SNX27: variants seen among roughly 807,000 people sequenced by gnomAD.
SNX27 encodes the protein sorting nexin 27.
Under a neutral mutation model 71.6 loss-of-function variants are expected in SNX27, and 22 were observed. That is an observed-to-expected ratio of 0.31 (90% CI 0.22 to 0.44). The LOEUF (loss-of-function observed/expected upper bound fraction) is 0.44, where lower values mean the gene tolerates loss of function less well. Ranked by LOEUF, SNX27 falls within the 20% of genes least tolerant of loss-of-function variation. The pLI is 1.00. For synonymous variants in SNX27, 269 were observed against 277.2 expected (o/e 0.97, Z 0.29); for missense variants, 531 against 698.6 (o/e 0.76, Z 2.70).
intron 7 of SNX27, among the ~76,000 whole-genome samples, chr1:151,670,826 T>G (rs1670425672): frequency 6.6e-6 from 1 of 152,184 alleles, no homozygotes; most frequent in Admixed American, 6.5e-5. Context: ...TGGTTGACTG[T>G]GCTTGTGGGG....
intron 2 of SNX27, among the ~76,000 whole-genome samples, chr1:151,644,732 C>T (rs1668957685): frequency 6.6e-6 from 1 of 152,044 alleles, no homozygotes; most frequent in Admixed American, 6.6e-5. Context: ...AGTTTTTACT[C>T]TTACGTTTAG....
At chr1:151,658,546 C>A in intron 3 of SNX27, 119 bp downstream of exon 3, 1 of 1,008,806 alleles carries the variant, frequency 9.9e-7, no homozygotes, top group Non-Finnish European at 1.4e-6. Context: ...AGGTTTCTGA[C>A]TAAGTATTGA....
chr1:151,619,639 CTTTG>C (rs748260670), intron 1 of SNX27, among the ~76,000 whole-genome samples: 55 of 152,026 alleles, frequency 3.6e-4, no homozygotes, highest in Non-Finnish European at 7.5e-4. Flanking sequence ...TTTTGAGTTT[CTTTG>C]TTCTGTTTTT....
Position 151,638,979 on chromosome 1 carries a change from G to A in SNX27, c.403G>A (p.Val135Ile), listed in dbSNP as rs1558044823. 6.2e-7 allele frequency: 1 copy of A among 1,614,132 alleles called. No individual in the cohort carries two copies. The highest frequency in any genetic ancestry group is 1.1e-5 in the South Asian group (1 of 91,078). ...EKELILTVLS[V>I]PPHEADNLDP... ...GGAATTGATCTTGACAGTGTTATCT[G>A]TACCTCCTCATGAGGCAGATAACCT... Residue 135 changes from valine (V) to isoleucine (I), a missense_variant, in exon 2 of 12, where the codon GTA becomes ATA. Transcript: ENST00000458013.
intron 1 of SNX27, among the ~76,000 whole-genome samples, chr1:151,620,235 G>T (rs1667609370): frequency 6.6e-6 from 1 of 152,202 alleles, no homozygotes; most frequent in Admixed American, 6.5e-5. Flanking sequence ...ATCCCAAGAA[G>T]TTTGGATTTT....
At chr1:151,659,908 T>G (rs990729832) in intron 3 of SNX27, 1 of 152,236 alleles carries the variant, frequency 6.6e-6, no homozygotes, top group Non-Finnish European at 1.5e-5. Context: ...ACGTGATATG[T>G]AGTCATTCTG....
At chr1:151,655,994 CGGGTGGATCA>C (rs1418750490) in intron 2 of SNX27, among the ~76,000 whole-genome samples, 1 of 152,020 alleles carries the variant, frequency 6.6e-6, no homozygotes, top group Non-Finnish European at 1.5e-5. Context: ...GAGGCCGAGG[CGGGTGGATCA>C]CGAGCTCAAG....
Position 151,639,165 on chromosome 1 carries a change from C to T in SNX27, c.543+46C>T, listed in dbSNP as rs748167433. 15 of 1,518,744 alleles carry T rather than the reference C, an allele frequency of 9.9e-6. No homozygotes were observed. The African/African-American group carries it at 1.2e-4, about 13-fold the overall frequency. The allele number at this position is 1,518,744 out of a possible 1,614,324, so 94.1% of individuals were successfully genotyped here. A position where few individuals can be genotyped will look rare whatever the true frequency, so the allele number is the denominator to read the frequency against. On this transcript the variant is annotated intron_variant, in intron 2 of 11. Coordinates refer to ENST00000458013, the MANE Select transcript of SNX27 (RefSeq NM_001330723.2). ...ATCCTCGAACATCTAGCTTTGTTTC[C>T]CCTAGTCTTATAATTATGAAACTAT...
At chr1:151,686,659 A>T (rs1341555925) in intron 8 of SNX27, among the ~76,000 whole-genome samples, 1 of 152,258 alleles carries the variant, frequency 6.6e-6, no homozygotes, top group Non-Finnish European at 1.5e-5. Context: ...TAGCCTAGCC[A>T]ATATTAGGTC....
At chr1:151,656,223 CAAAAA>C (rs71093203) in intron 2 of SNX27, among the ~76,000 whole-genome samples, 1 of 77,458 alleles carries the variant, frequency 1.3e-5, no homozygotes, top group Non-Finnish European at 2.5e-5. Context: ...GACTCCGTCT[CAAAAA>C]AAAAAAAAAA....
intron 7 of SNX27, among the ~76,000 whole-genome samples, chr1:151,674,787 A>G (rs1449083749): frequency 6.6e-6 from 1 of 152,062 alleles, no homozygotes; most frequent in Non-Finnish European, 1.5e-5. Flanking sequence ...CCCGGGTTCA[A>G]GCAATTCTCC....
chr1:151,668,241 G>C (rs1297361828), intron 6 of SNX27, among the ~76,000 whole-genome samples: 1 of 152,184 alleles, frequency 6.6e-6, no homozygotes, highest in Admixed American at 6.5e-5. Flanking sequence ...TCATTCAAGT[G>C]ATAGGTTTCA....
intron 8 of SNX27, among the ~76,000 whole-genome samples, chr1:151,690,335 C>T (rs923606884): frequency 2.0e-5 from 3 of 152,136 alleles, no homozygotes; most frequent in Admixed American, 6.5e-5. Flanking sequence ...TGAAGCTCAC[C>T]CCAGGGATTT....
At chr1:151,666,105 C>T (rs1238006707) in intron 6 of SNX27, 94 bp downstream of exon 6, 5 of 945,568 alleles carry the variant, frequency 5.3e-6, no homozygotes, top group African/African-American at 4.9e-5. Flanking sequence ...GGGGAGATCC[C>T]ACTCATTAGA....
At chr1:151,632,092 A>G (rs780911967) in intron 1 of SNX27, among the ~76,000 whole-genome samples, 1 of 151,754 alleles carries the variant, frequency 6.6e-6, no homozygotes, top group African/African-American at 2.4e-5. Context: ...TGTCCCTTAC[A>G]TTATGGCTTT....
intron 5 of SNX27, 98 bp from the exon 6 acceptor site, chr1:151,665,835 C>G: frequency 7.8e-6 from 7 of 902,716 alleles, no homozygotes; most frequent in Admixed American, 2.4e-5. Context: ...ATGGCAGAAC[C>G]TCTCCCCTTT....
chr1:151,615,896 G>A (rs1268897560), intron 1 of SNX27: 2 of 811,452 alleles, frequency 2.5e-6, no homozygotes, highest in Non-Finnish European at 3.0e-6. Flanking sequence ...TTTTAAAGTC[G>A]GCTTACCAAG....
chr1:151,689,649 G>A (rs1330251135), intron 8 of SNX27, among the ~76,000 whole-genome samples: 1 of 152,172 alleles, frequency 6.6e-6, no homozygotes, highest in Non-Finnish European at 1.5e-5. Context: ...TTTGTTAAAG[G>A]ACATGAGTAG....
chr1:151,694,196 A>G, intron 11 of SNX27, 174 bp from the exon 12 acceptor site: 1 of 1,370,888 alleles, frequency 7.3e-7, no homozygotes, highest in South Asian at 1.8e-5. Context: ...ATTAATATCC[A>G]AGGTCCCTTC....
Sources: gnomAD v4.1 joint callset for allele counts (sites outside exome capture counted in the v4.1 genomes callset) on GRCh38, gnomAD v4.1.1 for gene constraint, MANE v1.5 for transcripts, NCBI Gene and HGNC (gene_info 2026-07-23, HGNC 2026-07-21) for gene names.